Variants in CRISPLD2 observed in about 807,000 individuals in gnomAD.
The protein encoded by CRISPLD2 is cysteine-rich secretory protein LCCL domain-containing 2.
Under a neutral mutation model 71.1 loss-of-function variants are expected in CRISPLD2, and 47 were observed. The ratio of observed to expected loss-of-function variants is 0.66; its 90% CI spans 0.52 to 0.84. The LOEUF (loss-of-function observed/expected upper bound fraction) is 0.84. Among genes scored for constraint, CRISPLD2 ranks in the 40% least tolerant of loss-of-function variants. The pLI is 0.00. For missense variants in CRISPLD2, 830 were observed against 651.1 expected (o/e 1.27, Z -2.99); for synonymous variants, 317 against 250.1 (o/e 1.27, Z -2.52).
chr16:84,901,132 A>G (rs1480266559), intron 14 of CRISPLD2, among the ~76,000 whole-genome samples: 1 of 152,162 alleles, frequency 6.6e-6, no homozygotes, highest in Non-Finnish European at 1.5e-5. Context: ...AATACTATGC[A>G]GTGGATAAAA....
At chr16:84,887,567 G>T (rs1161429391) in intron 13 of CRISPLD2, among the ~76,000 whole-genome samples, 1 of 152,228 alleles carries the variant, frequency 6.6e-6, no homozygotes, top group African/African-American at 2.4e-5. Flanking sequence ...TTCTCCTGGG[G>T]ATTCTATTTC....
chr16:84,864,528 G>A (rs1029154487), intron 6 of CRISPLD2, among the ~76,000 whole-genome samples: 2 of 152,240 alleles, frequency 1.3e-5, no homozygotes, highest in East Asian at 1.9e-4. Context: ...ACGCGCCTGG[G>A]CAGCCTCTGC....
chr16:84,838,919 C>CAAA, intron 2 of CRISPLD2, 184 bp downstream of exon 2: 9 of 810,722 alleles, frequency 1.1e-5, no homozygotes, highest in Non-Finnish European at 1.8e-5. Flanking sequence ...GACAGGGTCT[C>CAAA]ACTCTGCCAC....
chr16:84,849,377 C>T lies in CRISPLD2; in HGVS notation c.360-8C>T, dbSNP rs1260366858. On this transcript the variant is annotated splice_region_variant and splice_polypyrimidine_tract_variant and intron_variant, in intron 3 of 14. Transcript: ENST00000262424. ...GCTGGGACTGAGTGAGCGGTTTCTGCCCTGCAGGTATCGCTCTCCGGGGTT... is the reference window on the plus strand; with the variant it reads ...GCTGGGACTGAGTGAGCGGTTTCTGTCCTGCAGGTATCGCTCTCCGGGGTT... 3.1e-6 allele frequency: 5 copies of T among 1,610,646 alleles called. No individual in the cohort carries two copies. The highest frequency in any genetic ancestry group is 3.4e-6 in the Non-Finnish European group (4 of 1,177,616).
At chr16:84,874,385 G>T (rs1473088050) in intron 11 of CRISPLD2, among the ~76,000 whole-genome samples, 1 of 152,228 alleles carries the variant, frequency 6.6e-6, no homozygotes. Context: ...GCAAGAGAGG[G>T]AAGTGAAGGG....
intron 8 of CRISPLD2, among the ~76,000 whole-genome samples, chr16:84,869,767 G>A (rs143948290): frequency 3.9e-4 from 60 of 152,398 alleles, no homozygotes; most frequent in African/African-American, 1.2e-3. Flanking sequence ...GCACTGCCCC[G>A]TCTGGGCTGC....
intron 6 of CRISPLD2, among the ~76,000 whole-genome samples, chr16:84,859,014 T>A (rs1917314652): frequency 6.6e-6 from 1 of 152,214 alleles, no homozygotes; most frequent in African/African-American, 2.4e-5. Flanking sequence ...CACCCCTGTG[T>A]CTTTCAAGTC....
rs777176792 is a variant in CRISPLD2, at chr16:84,906,714, A to G, written c.*72A>G. The G allele has an allele frequency of 2.0e-6, 3 of 1,532,606 alleles. No homozygotes were observed. The highest frequency in any genetic ancestry group is 2.2e-5 in the South Asian group (2 of 89,352). 94.9% of individuals were successfully genotyped at this position (1,532,606 alleles called of 1,614,324 possible). Reference sequence around the variant, plus strand: ...GTTTTGCTTTTATTTTTATTTTGTCATTGCGGGGTATATGGAGAGTCAGGA... The same window carrying G: ...GTTTTGCTTTTATTTTTATTTTGTCGTTGCGGGGTATATGGAGAGTCAGGA... On this transcript the variant is annotated 3_prime_UTR_variant, in exon 15 of 15. Transcript: ENST00000262424.
At chr16:84,840,826 A>G (rs964236737) in intron 2 of CRISPLD2, among the ~76,000 whole-genome samples, 1 of 152,142 alleles carries the variant, frequency 6.6e-6, no homozygotes. Context: ...ACAGGCATGA[A>G]CCACCGTGCC....
Position 84,880,498 on chromosome 16 carries a change from C to A in CRISPLD2, c.1230-11C>A, listed in dbSNP as rs772187792. On this transcript the variant is annotated splice_polypyrimidine_tract_variant and intron_variant, in intron 12 of 14. Transcript: ENST00000262424. Reference sequence around the variant, plus strand: ...CTCAGACCCATCACATAAATGCTTCCTGTTTTTCAGAATCCATTGTCCGGC... The same window carrying A: ...CTCAGACCCATCACATAAATGCTTCATGTTTTTCAGAATCCATTGTCCGGC... 5.3e-5 allele frequency: 85 copies of A among 1,609,218 alleles called. No individual in the cohort carries two copies. The highest frequency in any genetic ancestry group is 3.7e-4 in the African/African-American group (28 of 74,748).
chr16:84,879,172 A>T (rs1003195625), intron 12 of CRISPLD2, among the ~76,000 whole-genome samples: 1 of 152,200 alleles, frequency 6.6e-6, no homozygotes, highest in East Asian at 1.9e-4. Flanking sequence ...TCCCCCTTGA[A>T]TGTTCGAGTG....
intron 11 of CRISPLD2, 99 bp downstream of exon 11, chr16:84,874,062 G>T: frequency 9.1e-7 from 1 of 1,093,362 alleles, no homozygotes; most frequent in Non-Finnish European, 1.4e-6. Context: ...TGTTTATCAT[G>T]CGTGTGAACA....
At chr16:84,898,947 C>T (rs2143378422) in intron 14 of CRISPLD2, among the ~76,000 whole-genome samples, 1 of 152,320 alleles carries the variant, frequency 6.6e-6, no homozygotes. Flanking sequence ...TCACTGCAGC[C>T]TCAACTGCAG....
At chr16:84,906,168 G>A (rs936707052) in intron 14 of CRISPLD2, among the ~76,000 whole-genome samples, 4 of 152,074 alleles carry the variant, frequency 2.6e-5, no homozygotes, top group Non-Finnish European at 1.5e-5. Flanking sequence ...CCCTCAGGAG[G>A]AAGGTGGAAG....
intron 13 of CRISPLD2, among the ~76,000 whole-genome samples, chr16:84,881,141 T>C (rs565364001): frequency 1.1e-4 from 17 of 152,358 alleles, no homozygotes; most frequent in African/African-American, 2.9e-4. Flanking sequence ...TTAAATGTTT[T>C]CGCAGTTTGA....
chr16:84,884,344 G>T (rs1438567634), intron 13 of CRISPLD2, among the ~76,000 whole-genome samples: 2 of 152,184 alleles, frequency 1.3e-5, no homozygotes, highest in Non-Finnish European at 2.9e-5. Context: ...CTACCCGGCA[G>T]AGTTACTGGG....
rs1040279851 is a variant in CRISPLD2 at position 84,866,924 on chromosome 16, C to G, written c.737C>G (p.Thr246Arg). ...GAAACCTACACTCCAAAACCTGAAA[C>G]GGACGAGATGAATGAGGTGGAAACG... Reference protein sequence around the residue: ...REETYTPKPETDEMNEVETAP... With the variant: ...REETYTPKPERDEMNEVETAP... Residue 246 changes from threonine to arginine, a missense_variant, in exon 7 of 15, where the codon ACG becomes AGG. Coordinates refer to ENST00000262424, the MANE Select transcript of CRISPLD2 (RefSeq NM_031476.4). 1 of 1,613,976 alleles carries G rather than the reference C, an allele frequency of 6.2e-7. No individual in the cohort carries two copies. The highest frequency in any genetic ancestry group is 1.3e-5 in the African/African-American group (1 of 74,958).
At chr16:84,896,212 C>CAT (rs200891475) in intron 14 of CRISPLD2, among the ~76,000 whole-genome samples, 110 of 151,478 alleles carry the variant, frequency 7.3e-4, no homozygotes, top group African/African-American at 2.1e-3. Context: ...TAATTTTTTT[C>CAT]ATATATATAT....
At chr16:84,826,667 G>A (rs940708699) in intron 1 of CRISPLD2, among the ~76,000 whole-genome samples, 7 of 152,214 alleles carry the variant, frequency 4.6e-5, no homozygotes, top group Non-Finnish European at 8.8e-5. Context: ...GACTGAGAAG[G>A]TATTTTCAGC....
Sources: allele counts gnomAD v4.1 joint callset (sites outside exome capture counted in the v4.1 genomes callset), GRCh38; gene constraint gnomAD v4.1.1; transcripts MANE v1.5; gene names NCBI Gene and HGNC (gene_info 2026-07-23, HGNC 2026-07-21).